Variants in FRMPD4 observed in about 807,000 individuals in gnomAD.
FRMPD4 encodes FERM and PDZ domain containing 4, also known as FERM and PDZ domain-containing protein 4.
Under a neutral mutation model 94.1 loss-of-function variants are expected in FRMPD4, and 22 were observed. The ratio of observed to expected loss-of-function variants is 0.23; its 90% CI spans 0.17 to 0.33. The LOEUF is 0.33. FRMPD4 is among the 10% of genes least tolerant of loss of function. The pLI is 1.00. For missense variants in FRMPD4, 1,111 were observed against 1,339.9 expected (o/e 0.83, Z 2.67); for synonymous variants, 631 against 548.6 (o/e 1.15, Z -2.10).
chrX:12,004,048 G>A (rs762306056), intron 3 of FRMPD4, among the ~76,000 whole-genome samples: 1 of 111,381 alleles, frequency 9.0e-6, no homozygotes, highest in African/African-American at 3.3e-5. Context: ...CCCAATGCTG[G>A]CTGTATCATA....
At chrX:11,953,703 C>T (rs760818342) in intron 3 of FRMPD4, among the ~76,000 whole-genome samples, 5 of 111,436 alleles carry the variant, frequency 4.5e-5, no homozygotes, top group South Asian at 7.7e-4. Context: ...ATGGGGAGAG[C>T]GATGAGCAGG....
At chrX:12,308,805 G>A (rs979391653) in intron 1 of FRMPD4, among the ~76,000 whole-genome samples, 1 of 112,197 alleles carries the variant, frequency 8.9e-6, no homozygotes, top group African/African-American at 3.2e-5. Flanking sequence ...AAAAAAATGG[G>A]GGATGGCTTA....
intron 1 of FRMPD4, among the ~76,000 whole-genome samples, chrX:11,861,207 G>C (rs2053684794): frequency 1.8e-5 from 2 of 111,616 alleles, no homozygotes; most frequent in Admixed American, 9.5e-5. Flanking sequence ...ATAGATAGCT[G>C]AAGAGGTATT....
intron 1 of FRMPD4, among the ~76,000 whole-genome samples, chrX:12,423,238 AAAATAAAT>A (rs35361195): frequency 9.3e-6 from 1 of 108,070 alleles, no homozygotes; most frequent in Non-Finnish European, 1.9e-5. Context: ...GACGCCGTCT[AAAATAAAT>A]AAATAAATAA....
intron 1 of FRMPD4, among the ~76,000 whole-genome samples, chrX:12,337,813 G>A (rs931058850): frequency 4.5e-5 from 5 of 112,227 alleles, no homozygotes; most frequent in South Asian, 3.7e-4. Flanking sequence ...TATTTCATTC[G>A]GCATTTAGTT....
chrX:12,039,201 A>G (rs2054737674), intron 3 of FRMPD4, among the ~76,000 whole-genome samples: 1 of 106,240 alleles, frequency 9.4e-6, no homozygotes, highest in Admixed American at 1.0e-4. Context: ...TTTGCATTTA[A>G]TTTATTTATT....
intron 3 of FRMPD4, among the ~76,000 whole-genome samples, chrX:12,091,940 C>T (rs1486938015): frequency 1.8e-5 from 2 of 111,810 alleles, no homozygotes; most frequent in Admixed American, 1.9e-4. Context: ...TAGCTCAACA[C>T]TTCCAAATAA....
intron 3 of FRMPD4, among the ~76,000 whole-genome samples, chrX:12,011,283 G>C (rs189435365): frequency 8.9e-6 from 1 of 111,946 alleles, no homozygotes; most frequent in African/African-American, 3.2e-5. Flanking sequence ...AGAGTTGCAC[G>C]TAGGTTGGCC....
intron 4 of FRMPD4, among the ~76,000 whole-genome samples, chrX:12,644,790 C>G (rs1197902328): frequency 8.9e-6 from 1 of 111,888 alleles, no homozygotes; most frequent in Non-Finnish European, 1.9e-5. Flanking sequence ...GCTGAAAGTA[C>G]CACTCACATT....
chrX:12,411,442 C>G (rs1010565655), intron 1 of FRMPD4, among the ~76,000 whole-genome samples: 3 of 112,036 alleles, frequency 2.7e-5, no homozygotes, highest in African/African-American at 9.7e-5. Flanking sequence ...ATGATGTAAT[C>G]TTTTGGAAGA....
At position 12,270,741 on chromosome X, in the gene FRMPD4, C is replaced by T. The variant is rs961659375; in HGVS notation, c.41+131729C>T. Among the ~76,000 whole-genome samples, 8 of 111,287 alleles carry T rather than the reference C, an allele frequency of 7.2e-5. No individual in the cohort carries two copies. The South Asian group carries it at 1.1e-3, about 16-fold the overall frequency. On this transcript the variant is annotated intron_variant, in intron 1 of 16. Transcript: ENST00000675598. ...GTATTCACTTACCCATCGTTTCTTC[C>T]GCAAATCTATGAAGAAGGCCACAAG...
chrX:12,684,621 G>A (rs1433777485), intron 6 of FRMPD4, among the ~76,000 whole-genome samples: 1 of 111,805 alleles, frequency 8.9e-6, no homozygotes, highest in Non-Finnish European at 1.9e-5. Flanking sequence ...CTGGATGCAC[G>A]GTCACTGTAC....
chrX:12,678,641 C>T (rs1436561982), intron 5 of FRMPD4, among the ~76,000 whole-genome samples: 2 of 111,788 alleles, frequency 1.8e-5, no homozygotes, highest in Admixed American at 9.4e-5. Flanking sequence ...GCCTGATCAA[C>T]ATGGAGAAAC....
At chrX:12,076,900 C>T (rs1336992038) in intron 3 of FRMPD4, among the ~76,000 whole-genome samples, 2 of 111,727 alleles carry the variant, frequency 1.8e-5, no homozygotes, top group Non-Finnish European at 3.8e-5. Flanking sequence ...TCATGAATGC[C>T]TCCAGACTGG....
chrX:12,337,491 G>A (rs1270475911), intron 1 of FRMPD4, among the ~76,000 whole-genome samples: 2 of 112,118 alleles, frequency 1.8e-5, no homozygotes, highest in East Asian at 5.6e-4. Context: ...TAGGATTGAG[G>A]TAATGAAGTA....
At chrX:11,941,340 G>T (rs1569129273) in intron 3 of FRMPD4, among the ~76,000 whole-genome samples, 2 of 111,308 alleles carry the variant, frequency 1.8e-5, no homozygotes, top group African/African-American at 3.3e-5. Flanking sequence ...TAACAGTATT[G>T]TTGGGAGGTT....
At chrX:12,088,102 G>T (rs1357290137) in intron 3 of FRMPD4, among the ~76,000 whole-genome samples, 1 of 112,202 alleles carries the variant, frequency 8.9e-6, no homozygotes, top group African/African-American at 3.2e-5. Flanking sequence ...TTCCCATCTT[G>T]TCTTATTGTG....
intron 2 of FRMPD4, among the ~76,000 whole-genome samples, chrX:12,530,827 GAGGATGGA>G (rs1369296302): frequency 2.7e-5 from 3 of 111,624 alleles, no homozygotes; most frequent in African/African-American, 9.8e-5. Flanking sequence ...GGATTGACAG[GAGGATGGA>G]TGGATGGATG....
intron 1 of FRMPD4, among the ~76,000 whole-genome samples, chrX:12,200,554 C>G (rs1271039482): frequency 9.0e-6 from 1 of 110,709 alleles, no homozygotes; most frequent in East Asian, 2.8e-4. Flanking sequence ...GGCTGGTCTC[C>G]AACCCCTGGG....
Sources: allele counts gnomAD v4.1 joint callset (sites outside exome capture counted in the v4.1 genomes callset), GRCh38; gene constraint gnomAD v4.1.1; transcripts MANE v1.5; gene names NCBI Gene and HGNC (gene_info 2026-07-23, HGNC 2026-07-21).